PPP2R5A: variants seen among roughly 807,000 people sequenced by gnomAD.
The protein encoded by PPP2R5A is serine/threonine-protein phosphatase 2A 56 kDa regulatory subunit alpha isoform.
In PPP2R5A, 25 loss-of-function variants were observed where a neutral mutation model predicts 64.2. The observed-to-expected ratio is 0.39, with a 90% CI of 0.28 to 0.54. The LOEUF (loss-of-function observed/expected upper bound fraction) is 0.54. Ranked by LOEUF, PPP2R5A falls within the 20% of genes least tolerant of loss-of-function variation. The probability of loss-of-function intolerance (pLI) is 0.67; values close to 1 mark genes in which losing one functional copy is unlikely to be tolerated. For missense variants in PPP2R5A, 425 were observed against 576.3 expected, an observed-to-expected ratio of 0.74 and a Z score of 2.69; for synonymous variants, 198 against 201.2, an observed-to-expected ratio of 0.98 and a Z score of 0.13.
intron 1 of PPP2R5A, among the ~76,000 whole-genome samples, chr1:212,328,330 A>T (rs894065943): frequency 9.9e-5 from 15 of 151,630 alleles, no homozygotes; most frequent in Non-Finnish European, 1.3e-4. Context: ...AATAAAAATT[A>T]AAAAAAAAGA....
chr1:212,302,004 C>G, intron 1 of PPP2R5A: 1 of 1,481,722 alleles, frequency 6.7e-7, no homozygotes, highest in Admixed American at 2.1e-5. Flanking sequence ...CAATGAACAA[C>G]TTGAAATAAC....
chr1:212,322,439 A>T (rs115708175), intron 1 of PPP2R5A, among the ~76,000 whole-genome samples: 2,608 of 152,332 alleles, frequency 0.017, 78 homozygotes, highest in African/African-American at 0.06. Flanking sequence ...GTTGGGACAT[A>T]TTAATTACAT....
intron 1 of PPP2R5A, among the ~76,000 whole-genome samples, chr1:212,303,161 T>C (rs1475076432): frequency 6.6e-6 from 1 of 152,226 alleles, no homozygotes; most frequent in Non-Finnish European, 1.5e-5. Flanking sequence ...CTTGATAAAT[T>C]GCCACAGTTT....
intron 8 of PPP2R5A, chr1:212,352,772 T>C (rs572318979): frequency 7.7e-6 from 4 of 518,806 alleles, no homozygotes; most frequent in East Asian, 5.4e-5. Context: ...CAATTACGCA[T>C]ATCAAATGAT....
At chr1:212,296,479 G>A (rs756277372) in intron 1 of PPP2R5A, among the ~76,000 whole-genome samples, 1 of 152,190 alleles carries the variant, frequency 6.6e-6, no homozygotes, top group Non-Finnish European at 1.5e-5. Context: ...GACATTGATA[G>A]TTTGGGTTGC....
At chr1:212,303,985 T>A (rs922969220) in intron 1 of PPP2R5A, among the ~76,000 whole-genome samples, 2 of 152,246 alleles carry the variant, frequency 1.3e-5, no homozygotes, top group Non-Finnish European at 2.9e-5. Context: ...GTTTTTCTTT[T>A]TCAGGATTGT....
intron 2 of PPP2R5A, among the ~76,000 whole-genome samples, chr1:212,333,132 A>G (rs1482763476): frequency 6.6e-6 from 1 of 151,976 alleles, no homozygotes; most frequent in Non-Finnish European, 1.5e-5. Context: ...TGAACTCCTG[A>G]CCTCAGACAG....
chr1:212,287,212 A>G (rs1658519934), intron 1 of PPP2R5A, among the ~76,000 whole-genome samples: 1 of 152,116 alleles, frequency 6.6e-6, no homozygotes, highest in Non-Finnish European at 1.5e-5. Flanking sequence ...TTCTTTGTGT[A>G]TTACTCATGC....
At position 212,357,022 on chromosome 1, in the gene PPP2R5A, C is replaced by A; in HGVS notation, c.1051C>A (p.Pro351Thr). 1.2e-6 allele frequency: 2 copies of A among 1,611,752 alleles called. No individual in the cohort carries two copies. Among genetic ancestry groups the A allele is most frequent in the Non-Finnish European group, 1.7e-6 (2 of 1,179,008 alleles). Residue 351 changes from proline (P) to threonine (T), a missense_variant, in exon 10 of 13, where the codon CCA becomes ACA. Physicochemically the swap from Pro to Thr is conservative, Grantham distance 38. Transcript: ENST00000261461. Reference sequence around the variant, plus strand: ...AACACAGTTCAAAAAAATTGAAGAGCCACTTTTCAAGCAGATATCCAAGTG... The same window carrying A: ...AACACAGTTCAAAAAAATTGAAGAGACACTTTTCAAGCAGATATCCAAGTG... The part of the protein sequence containing the change: ...EPTQFKKIEE[P>T]LFKQISKCVS...
At chr1:212,291,291 A>G (rs1171467802) in intron 1 of PPP2R5A, among the ~76,000 whole-genome samples, 3 of 152,068 alleles carry the variant, frequency 2.0e-5, no homozygotes, top group African/African-American at 7.2e-5. Context: ...ATGGCTGGTC[A>G]GGCTGGTTTT....
chr1:212,310,362 A>G (rs1011367890), intron 1 of PPP2R5A, among the ~76,000 whole-genome samples: 4 of 151,740 alleles, frequency 2.6e-5, no homozygotes, highest in African/African-American at 9.7e-5. Flanking sequence ...GAATTTACAG[A>G]TCTCCCCATT....
chr1:212,328,803 A>G (rs1659450746), intron 1 of PPP2R5A, among the ~76,000 whole-genome samples: 2 of 152,160 alleles, frequency 1.3e-5, no homozygotes, highest in Admixed American at 6.5e-5. Flanking sequence ...GTAACATTTA[A>G]TGATTAGCTG....
intron 8 of PPP2R5A, among the ~76,000 whole-genome samples, chr1:212,350,773 T>C (rs1007337315): frequency 6.6e-6 from 1 of 151,636 alleles, no homozygotes; most frequent in African/African-American, 2.4e-5. Context: ...GCTTGGTAAA[T>C]AGTATACAAA....
intron 8 of PPP2R5A, among the ~76,000 whole-genome samples, chr1:212,355,882 A>ACTAAAAATAGAGACAGGCC (rs1659968668): frequency 2.6e-5 from 4 of 152,020 alleles, no homozygotes; most frequent in Admixed American, 2.6e-4. Flanking sequence ...CCTGGCCAAG[A>ACTAAAAATAGAGACAGGCC]TGGTGAAACC....
chr1:212,360,425 C>T (rs867646289), intron 12 of PPP2R5A, among the ~76,000 whole-genome samples: 3 of 152,150 alleles, frequency 2.0e-5, no homozygotes, highest in Middle Eastern at 3.2e-3. Context: ...CAAGTAGTAA[C>T]GTCTAGCTGG....
intron 12 of PPP2R5A, among the ~76,000 whole-genome samples, chr1:212,359,465 C>T (rs1167173371): frequency 6.6e-6 from 1 of 152,108 alleles, no homozygotes; most frequent in African/African-American, 2.4e-5. Context: ...TAGTGATTAC[C>T]TCTTTTTGAG....
intron 1 of PPP2R5A, among the ~76,000 whole-genome samples, chr1:212,307,499 A>G (rs1658941057): frequency 6.6e-6 from 1 of 152,114 alleles, no homozygotes; most frequent in Non-Finnish European, 1.5e-5. Context: ...TCTTTAATGC[A>G]GCACAACTTT....
chr1:212,303,003 A>T lies in PPP2R5A; in HGVS notation c.181+16712A>T, dbSNP rs143945386. Among the ~76,000 whole-genome samples the T allele has an allele frequency of 2.5e-3, 379 of 152,272 alleles. 1 individual carries two copies. Among genetic ancestry groups the T allele is most frequent in the African/African-American group, 8.7e-3 (362 of 41,550 alleles). On this transcript the variant is annotated intron_variant, in intron 1 of 12. Transcript: ENST00000261461. ...TATTTATCCATTCCTCACTCGATGG[A>T]CATTTCAGTTCTTTCTACTGTTTGG...
At chr1:212,320,519 C>G (rs1027431659) in intron 1 of PPP2R5A, among the ~76,000 whole-genome samples, 8 of 151,834 alleles carry the variant, frequency 5.3e-5, no homozygotes, top group African/African-American at 1.9e-4. Flanking sequence ...CCAGTAGGGG[C>G]GGCCGGGCAG....
Sources: allele counts gnomAD v4.1 joint callset (sites outside exome capture counted in the v4.1 genomes callset), GRCh38; gene constraint gnomAD v4.1.1; transcripts MANE v1.5; gene names NCBI Gene and HGNC (gene_info 2026-07-23, HGNC 2026-07-21).